SKAP1: variants seen among roughly 807,000 people sequenced by gnomAD.
The protein encoded by SKAP1 is src kinase-associated phosphoprotein 1.
Under a neutral mutation model 58.5 loss-of-function variants are expected in SKAP1, and 44 were observed. That is an observed-to-expected ratio of 0.75 (90% confidence interval 0.59 to 0.97). The LOEUF is 0.97. Ranked by LOEUF, SKAP1 falls within the 50% of genes least tolerant of loss-of-function variation. The probability of loss-of-function intolerance (pLI) is 0.00; values close to 1 mark genes in which losing one functional copy is unlikely to be tolerated. For synonymous variants in SKAP1, 127 were observed against 149.7 expected (o/e 0.85, Z 1.11); for missense variants, 390 against 435.2 (o/e 0.90, Z 0.92).
In SKAP1 at chr17:48,184,734, G is replaced by T; in HGVS notation, c.556C>A (p.Arg186Ser). Residue 186 changes from arginine (R) to serine (S), a missense_variant, in exon 7 of 13, where the codon CGC becomes AGC. Arg to Ser is a moderately radical substitution (Grantham distance 110). Coordinates refer to ENST00000336915, the MANE Select transcript of SKAP1 (RefSeq NM_003726.4). Reference protein sequence around the residue: ...SCFELTSQDRRSYEFTATSPA... With the variant: ...SCFELTSQDRSSYEFTATSPA... ...TTGATGCGTCCTACCTCATAGCTGC[G>T]CCTATCCTGGGAGGTCAGTTCAAAG... 1 of 1,614,002 alleles carries T rather than the reference G, an allele frequency of 6.2e-7. No homozygotes were observed.
rs199742792 is a variant in SKAP1 at position 48,191,256 on chromosome 17, G to GA, written c.281-1757dup. On this transcript the variant is annotated intron_variant, in intron 4 of 12. Transcript: ENST00000336915. ...TCAAAAAATAAAATGAAAGAAGAATGAAAAAAAAAGCCTCTTTTAAGGACA... is the reference window on the plus strand; with the variant it reads ...TCAAAAAATAAAATGAAAGAAGAATGAAAAAAAAAAGCCTCTTTTAAGGACA... Among the ~76,000 whole-genome samples the GA allele has an allele frequency of 3.4e-4, 51 of 150,438 alleles. 1 individual carries two copies. Among genetic ancestry groups the GA allele is most frequent in the East Asian group, 3.9e-4 (2 of 5,140 alleles).
chr17:48,150,245 A>G (rs2063884471), intron 11 of SKAP1, among the ~76,000 whole-genome samples: 1 of 152,222 alleles, frequency 6.6e-6, no homozygotes. Context: ...TAAAAAGGTG[A>G]TTGCAATTAT....
intron 4 of SKAP1, among the ~76,000 whole-genome samples, chr17:48,319,739 G>A (rs996026974): frequency 1.3e-5 from 2 of 152,146 alleles, no homozygotes; most frequent in African/African-American, 4.8e-5. Context: ...CTACAGAAGA[G>A]GCTGAGGTGG....
intron 11 of SKAP1, 84 bp from the exon 12 acceptor site, chr17:48,137,421 G>T: frequency 1.1e-6 from 1 of 900,018 alleles, no homozygotes; most frequent in Non-Finnish European, 1.8e-6. Flanking sequence ...GGGAGATTCT[G>T]TTTGGTGGTT....
At chr17:48,367,014 T>C (rs1384209959) in intron 2 of SKAP1, among the ~76,000 whole-genome samples, 1 of 152,204 alleles carries the variant, frequency 6.6e-6, no homozygotes, top group Admixed American at 6.5e-5. Flanking sequence ...AGTATGTTAT[T>C]GATGATCTCA....
At chr17:48,283,407 A>G (rs954832203) in intron 4 of SKAP1, among the ~76,000 whole-genome samples, 1 of 152,238 alleles carries the variant, frequency 6.6e-6, no homozygotes, top group Admixed American at 6.5e-5. Flanking sequence ...ATCAGACTGC[A>G]TGGGTTCAAA....
At chr17:48,378,892 G>C (rs977803164) in intron 2 of SKAP1, among the ~76,000 whole-genome samples, 4 of 152,160 alleles carry the variant, frequency 2.6e-5, no homozygotes, top group African/African-American at 4.8e-5. Flanking sequence ...TTCAGTATAA[G>C]AGAGCATTTC....
chr17:48,408,636 T>G (rs913425711), intron 1 of SKAP1, among the ~76,000 whole-genome samples: 11 of 152,328 alleles, frequency 7.2e-5, no homozygotes, highest in African/African-American at 2.2e-4. Context: ...TACTATTGTT[T>G]CATTGTATAT....
upstream of SKAP1, among the ~76,000 whole-genome samples, chr17:48,434,584 C>T (rs1190554794): frequency 6.6e-6 from 1 of 152,148 alleles, no homozygotes; most frequent in African/African-American, 2.4e-5. Flanking sequence ...CATCAGGAAA[C>T]AATTCCATAA....
At chr17:48,227,675 A>G (rs368530091) in intron 4 of SKAP1, among the ~76,000 whole-genome samples, 1 of 152,328 alleles carries the variant, frequency 6.6e-6, no homozygotes, top group East Asian at 1.9e-4. Context: ...ATAGTCTCAA[A>G]GAGAAGCTCA....
rs544844427 is a variant in SKAP1 at position 48,370,761 on chromosome 17, G to A, written c.153-6947C>T. On this transcript the variant is annotated intron_variant, in intron 2 of 12. Coordinates refer to ENST00000336915, the MANE Select transcript of SKAP1 (RefSeq NM_003726.4). ...TAAAACAGAACTACCATTCAACCCCGTAATCCCATTACTGGGTATATATCC... is the reference window on the plus strand; with the variant it reads ...TAAAACAGAACTACCATTCAACCCCATAATCCCATTACTGGGTATATATCC... Among the ~76,000 whole-genome samples the A allele has an allele frequency of 6.6e-5, 10 of 152,284 alleles. No individual in the cohort carries two copies. In the South Asian group the frequency reaches 8.3e-4, roughly 13 times the overall value.
At chr17:48,379,925 G>A (rs1053069320) in intron 2 of SKAP1, among the ~76,000 whole-genome samples, 7 of 152,114 alleles carry the variant, frequency 4.6e-5, no homozygotes, top group South Asian at 2.1e-4. Flanking sequence ...CTCGTCATCC[G>A]CCCGCCTTGG....
chr17:48,380,677 C>G (rs2067203952), intron 2 of SKAP1, among the ~76,000 whole-genome samples: 1 of 152,092 alleles, frequency 6.6e-6, no homozygotes, highest in South Asian at 2.1e-4. Context: ...AGATATTTAC[C>G]AGTGGTTGCC....
intron 3 of SKAP1, among the ~76,000 whole-genome samples, chr17:48,351,864 T>C (rs927862908): frequency 3.9e-5 from 6 of 152,130 alleles, no homozygotes; most frequent in Non-Finnish European, 5.9e-5. Flanking sequence ...AAGGGCAGCA[T>C]AGCTTAATGA....
upstream of SKAP1, among the ~76,000 whole-genome samples, chr17:48,431,054 C>A (rs1177838471): frequency 6.6e-6 from 1 of 152,098 alleles, no homozygotes; most frequent in Non-Finnish European, 1.5e-5. Context: ...ATCTATAATT[C>A]TCAAAATAAA....
At chr17:48,352,613 T>TATA (rs1263732363) in intron 3 of SKAP1, among the ~76,000 whole-genome samples, 4 of 152,114 alleles carry the variant, frequency 2.6e-5, no homozygotes, top group East Asian at 3.8e-4. Context: ...GAAAGTTAGC[T>TATA]ATAATAATAA....
chr17:48,182,393 C>A lies in SKAP1; in HGVS notation c.631+1G>T. 1.3e-6 allele frequency: 2 copies of A among 1,598,448 alleles called. No homozygotes were observed. The highest frequency in any genetic ancestry group is 1.7e-6 in the Non-Finnish European group (2 of 1,168,258). On this transcript the variant is annotated splice_donor_variant, in intron 8 of 12. Coordinates refer to ENST00000336915, the MANE Select transcript of SKAP1 (RefSeq NM_003726.4). LOFTEE classifies it high-confidence loss of function. ...ATTATTTCTGTAACAATGACACTTA[C>A]CCTTTAACAAGAAACTTATTTGATC... is the stretch of plus-strand genomic sequence containing the variant.
chr17:48,266,758 C>G (rs993768600), intron 4 of SKAP1, among the ~76,000 whole-genome samples: 9 of 152,230 alleles, frequency 5.9e-5, no homozygotes, highest in Admixed American at 5.2e-4. Flanking sequence ...GATCCACCAG[C>G]CTCGGCCTCC....
the SKAP1 span, among the ~76,000 whole-genome samples, chr17:48,435,720 T>A: frequency 6.6e-6 from 1 of 152,162 alleles, no homozygotes; most frequent in Non-Finnish European, 1.5e-5. Flanking sequence ...CTTCCTCACT[T>A]TACTACAGGT....
Sources: gnomAD v4.1 joint callset for allele counts (sites outside exome capture counted in the v4.1 genomes callset) on GRCh38, gnomAD v4.1.1 for gene constraint, MANE v1.5 for transcripts, NCBI Gene and HGNC (gene_info 2026-07-23, HGNC 2026-07-21) for gene names.